The following RPL28 variants were observed in gnomAD, a reference collection of about 807,000 sequenced individuals.
RPL28 encodes the protein large ribosomal subunit protein eL28.
In RPL28, 4 loss-of-function variants were observed where a neutral mutation model predicts 12.5. The observed-to-expected ratio is 0.32, with a 90% CI of 0.16 to 0.73. The LOEUF is 0.73. Among genes scored for constraint, RPL28 ranks in the 30% least tolerant of loss-of-function variants. RPL28 has a pLI of 0.66. For missense variants in RPL28, 214 were observed against 197.7 expected (o/e 1.08, Z -0.49); for synonymous variants, 91 against 72.5 (o/e 1.26, Z -1.30).
chr19:55,399,427 A>C (rs1210363180), intron 4 of RPL28, among the ~76,000 whole-genome samples: 1 of 152,160 alleles, frequency 6.6e-6, no homozygotes, highest in Admixed American at 6.5e-5. Flanking sequence ...TTGGCCTCCC[A>C]AAGTGCTAGG....
At chr19:55,386,033 C>A in intron 1 of RPL28, 68 bp downstream of exon 1, 1 of 353,276 alleles carries the variant, frequency 2.8e-6, no homozygotes, top group Non-Finnish European at 5.5e-6. Context: ...CAGTCCTCTG[C>A]CTGCCTTCTC....
Position 55,397,627 on chromosome 19 carries a change from G to A in RPL28, c.325-5316G>A, listed in dbSNP as rs141510074. 8.0e-3 allele frequency among the ~76,000 whole-genome samples: 1,210 copies of A among 152,082 alleles called. 11 individuals carry two copies. The highest frequency in any genetic ancestry group is 0.019 in the African/African-American group (796 of 41,488). ...GATCTCCTGATCTTGTGATCCACCC[G>A]CCTCGACCTCCCAAAGTGCTGGGAT... On this transcript the variant is annotated intron_variant, in intron 4 of 4. Coordinates refer to the RPL28 transcript ENST00000560055.
rs1341121379 is a variant in RPL28 at position 55,388,666 on chromosome 19, C to T, written c.*334C>T. 8.9e-7 allele frequency: 1 copy of T among 1,122,836 alleles called. No individual in the cohort carries two copies. Among genetic ancestry groups the T allele is most frequent in the Non-Finnish European group, 1.1e-6 (1 of 918,726 alleles). The allele number at this position is 1,122,836 out of a possible 1,614,324, so 69.6% of individuals were successfully genotyped here. A position where few individuals can be genotyped will look rare whatever the true frequency, so the allele number is the denominator to read the frequency against. ...GGCTTCCATTCAGAAGAAGAAAGGCCTTTTCTAGCCCAGAAGGGTGCAGGC... is the reference window on the plus strand; with the variant it reads ...GGCTTCCATTCAGAAGAAGAAAGGCTTTTTCTAGCCCAGAAGGGTGCAGGC... On this transcript the variant is annotated 3_prime_UTR_variant, in exon 5 of 5. Transcript: ENST00000344063.
At chr19:55,393,592 C>T (rs934797383), downstream of RPL28, among the ~76,000 whole-genome samples, 3 of 151,488 alleles carry the variant, frequency 2.0e-5, no homozygotes, top group Non-Finnish European at 2.9e-5. Flanking sequence ...CACTCCCACT[C>T]ATGTCCCCTC....
At chr19:55,394,306 C>T (rs2090009548), downstream of RPL28, among the ~76,000 whole-genome samples, 1 of 152,204 alleles carries the variant, frequency 6.6e-6, no homozygotes, top group Non-Finnish European at 1.5e-5. Flanking sequence ...GTTGCTCAGG[C>T]TGGAGTGCTG....
chr19:55,389,668 G>A lies in RPL28; in HGVS notation c.*1336G>A, dbSNP rs115330559. On this transcript the variant is annotated 3_prime_UTR_variant, in exon 5 of 5. Coordinates refer to ENST00000344063, the MANE Select transcript of RPL28 (RefSeq NM_000991.5). ...GTCCTGTCTGCTCCAGTCTTGCCCA[G>A]CTCGAAGGAGAGCAGATCTGACCAC... 3.3e-3 allele frequency: 3,219 copies of A among 985,554 alleles called. 78 individuals are homozygous for A. In the African/African-American group the frequency reaches 0.05, roughly 15 times the overall value. The allele number at this position is 985,554 out of a possible 1,614,324, so 61.1% of individuals were successfully genotyped here.
Position 55,390,738 on chromosome 19 carries a change from G to A in RPL28, c.*2406G>A, listed in dbSNP as rs1569043034. On this transcript the variant is annotated 3_prime_UTR_variant, in exon 5 of 5. Coordinates refer to ENST00000344063, the MANE Select transcript of RPL28 (RefSeq NM_000991.5). ...GGCTGGGCTGGGGAGGCCACGTCTG[G>A]TATCTGAATGCTATCGGTGGGTTGG... 2 of 985,384 alleles carry A rather than the reference G, an allele frequency of 2.0e-6. No homozygotes were observed. The highest frequency in any genetic ancestry group is 3.5e-5 in the African/African-American group (2 of 57,234). 61.0% of individuals were successfully genotyped at this position (985,384 alleles called of 1,614,324 possible).
chr19:55,391,462 A>T lies in RPL28; in HGVS notation c.*3130A>T. On this transcript the variant is annotated 3_prime_UTR_variant, in exon 5 of 5. Transcript: ENST00000344063. Reference sequence around the variant, plus strand: ...GAGTGAGCGTAGGGCGCACCCTGGAAGGCTGCCAAGCCCAAAGTTGTGCAG... The same window carrying T: ...GAGTGAGCGTAGGGCGCACCCTGGATGGCTGCCAAGCCCAAAGTTGTGCAG... 1 of 1,363,666 alleles carries T rather than the reference A, an allele frequency of 7.3e-7. No homozygotes were observed. Among genetic ancestry groups the T allele is most frequent in the Non-Finnish European group, 9.5e-7 (1 of 1,048,366 alleles). The allele number at this position is 1,363,666 out of a possible 1,614,324, so 84.5% of individuals were successfully genotyped here.
At chr19:55,392,675 C>T (rs1439418733), downstream of RPL28, among the ~76,000 whole-genome samples, 1 of 152,046 alleles carries the variant, frequency 6.6e-6, no homozygotes, top group South Asian at 2.1e-4. Context: ...TACAGGCGCC[C>T]GCCACCACGC....
At chr19:55,387,245 C>T (rs2089940360) in intron 3 of RPL28, 3 of 1,535,310 alleles carry the variant, frequency 2.0e-6, no homozygotes, top group Admixed American at 2.0e-5. Context: ...AGGAGTCCAG[C>T]TTCACATGTG....
Position 55,389,907 on chromosome 19 carries a change from C to T in RPL28, c.*1575C>T, listed in dbSNP as rs1875035441. 1.0e-6 allele frequency: 1 copy of T among 985,478 alleles called. No homozygotes were observed. Among genetic ancestry groups the T allele is most frequent in the African/African-American group, 1.7e-5 (1 of 57,208 alleles). The allele number at this position is 985,478 out of a possible 1,614,324, so 61.0% of individuals were successfully genotyped here. On this transcript the variant is annotated 3_prime_UTR_variant, in exon 5 of 5. Coordinates refer to ENST00000344063, the MANE Select transcript of RPL28 (RefSeq NM_000991.5). ...TACCTGCTCAGGAGCCCCCACTGTC[C>T]CAGTCCCACTCAGGCCCATCTCTGG...
In RPL28 at chr19:55,403,159, A is replaced by AT. The variant is rs1238112766; in HGVS notation, c.*29dup. On this transcript the variant is annotated 3_prime_UTR_variant, in exon 5 of 5. Coordinates refer to the RPL28 transcript ENST00000560055. Reference sequence around the variant, plus strand: ...ACCCTTTCTGGTCTCCTGACAATGCATAATACCCCTTGGGGGGCAAAATCA... The same window carrying AT: ...ACCCTTTCTGGTCTCCTGACAATGCATTAATACCCCTTGGGGGGCAAAATCA... 4.2e-6 allele frequency: 3 copies of AT among 712,106 alleles called. No individual in the cohort carries two copies. The East Asian group carries it at 8.1e-5, about 19-fold the overall frequency. 44.1% of individuals were successfully genotyped at this position (712,106 alleles called of 1,614,324 possible). A position where few individuals can be genotyped will look rare whatever the true frequency, so the allele number is the denominator to read the frequency against.
At chr19:55,393,103 C>G (rs1014395894), downstream of RPL28, among the ~76,000 whole-genome samples, 6 of 151,814 alleles carry the variant, frequency 4.0e-5, no homozygotes, top group Non-Finnish European at 7.4e-5. Context: ...ATGTCTGAAT[C>G]ACACCTCCAG....
chr19:55,400,785 ATC>A (rs2090051375), intron 4 of RPL28: 1 of 152,420 alleles, frequency 6.6e-6, no homozygotes, highest in African/African-American at 2.4e-5. Flanking sequence ...TGGCTTTGTG[ATC>A]TGTTGTGCAG....
intron 4 of RPL28, 94 bp from the exon 5 acceptor site, chr19:55,388,149 C>T (rs776431875): frequency 6.4e-6 from 10 of 1,567,304 alleles, no homozygotes; most frequent in South Asian, 5.9e-5. Flanking sequence ...GGGATGGATT[C>T]TTGCTTTCAG....
Position 55,391,472 on chromosome 19 carries a change from G to A in RPL28, c.*3140G>A. On this transcript the variant is annotated 3_prime_UTR_variant, in exon 5 of 5. Transcript: ENST00000344063. The stretch of plus-strand genomic sequence containing the variant: ...AGGGCGCACCCTGGAAGGCTGCCAA[G>A]CCCAAAGTTGTGCAGAGCGCTGGGG... 7.3e-7 allele frequency: 1 copy of A among 1,373,232 alleles called. No individual in the cohort carries two copies. Among genetic ancestry groups the A allele is most frequent in the Non-Finnish European group, 9.5e-7 (1 of 1,052,432 alleles). The allele number at this position is 1,373,232 out of a possible 1,614,324, so 85.1% of individuals were successfully genotyped here. A position where few individuals can be genotyped will look rare whatever the true frequency, so the allele number is the denominator to read the frequency against.
rs943186724 is a variant in RPL28, at chr19:55,397,402, C to T, written c.325-5541C>T. ...AAATGTTTTTGTTTTTGTTTTGAGACGGAGTCTCGCTCTGTCTCCCAGGCT... is the reference window on the plus strand; with the variant it reads ...AAATGTTTTTGTTTTTGTTTTGAGATGGAGTCTCGCTCTGTCTCCCAGGCT... On this transcript the variant is annotated intron_variant, in intron 4 of 4. Coordinates refer to the RPL28 transcript ENST00000560055. 3.3e-5 allele frequency among the ~76,000 whole-genome samples: 5 copies of T among 152,124 alleles called. No individual in the cohort carries two copies. In the East Asian group the frequency reaches 5.8e-4, roughly 18 times the overall value.
chr19:55,388,236 C>A lies in RPL28; in HGVS notation c.325-7C>A. The A allele has an allele frequency of 1.3e-6, 2 of 1,533,744 alleles. No homozygotes were observed. The highest frequency in any genetic ancestry group is 8.8e-7 in the Non-Finnish European group (1 of 1,142,204). ...GGCTGAGCCTTGCTCTGCTCCCCCGCCCCCAGGCAGCCATCCGCAGGGCCA... is the reference window on the plus strand; with the variant it reads ...GGCTGAGCCTTGCTCTGCTCCCCCGACCCCAGGCAGCCATCCGCAGGGCCA... On this transcript the variant is annotated splice_polypyrimidine_tract_variant and splice_region_variant and intron_variant, in intron 4 of 4. Coordinates refer to ENST00000344063, the MANE Select transcript of RPL28 (RefSeq NM_000991.5).
At chr19:55,400,497 T>A (rs1569047367) in intron 4 of RPL28, 1 of 152,288 alleles carries the variant, frequency 6.6e-6, no homozygotes, top group Non-Finnish European at 1.5e-5. Flanking sequence ...CACTTAAGTA[T>A]CTGGATGGGC....
Sources: gnomAD v4.1 joint callset for allele counts (sites outside exome capture counted in the v4.1 genomes callset) on GRCh38, gnomAD v4.1.1 for gene constraint, MANE v1.5 for transcripts, NCBI Gene and HGNC (gene_info 2026-07-23, HGNC 2026-07-21) for gene names.